Variants in ANO4 observed in about 807,000 individuals in gnomAD.
ANO4 encodes anoctamin-4.
ANO4 carries 69 observed loss-of-function variants against 141.9 expected under a neutral mutation model. The observed-to-expected ratio is 0.49, with a 90% CI of 0.40 to 0.59. The LOEUF (loss-of-function observed/expected upper bound fraction) is 0.59. Among genes scored for constraint, ANO4 ranks in the 20% least tolerant of loss-of-function variants. The probability of loss-of-function intolerance (pLI) is 0.00; values close to 1 mark genes in which losing one functional copy is unlikely to be tolerated. For missense variants in ANO4, 894 were observed against 1,162.2 expected (o/e 0.77, Z 3.36); for synonymous variants, 350 against 394.3 (o/e 0.89, Z 1.33).
Position 101,096,633 on chromosome 12 carries a change from A to G in ANO4, c.1836A>G (p.Ala612=), listed in dbSNP as rs1302014144. Residue 612 remains alanine, a synonymous_variant, in exon 19 of 28, where the codon GCA becomes GCG. Transcript: ENST00000392977. ...VNLNSSTFYI[A]FFLGRFTGHP... ...TGAACAGCTCCACATTTTACATCGC[A>G]TTCTTCCTCGGAAGGTAAGAACCTG... 1.2e-6 allele frequency: 2 copies of G among 1,612,880 alleles called. No homozygotes were observed. The highest frequency in any genetic ancestry group is 1.3e-5 in the African/African-American group (1 of 74,818).
At chr12:100,738,953 G>A (rs777524600) in intron 2 of ANO4, among the ~76,000 whole-genome samples, 114 of 150,100 alleles carry the variant, frequency 7.6e-4, no homozygotes, top group Non-Finnish European at 1.5e-3. Context: ...TTTTACTTAC[G>A]TCTTCTGATC....
At chr12:101,045,831 C>T (rs759040152) in intron 13 of ANO4, among the ~76,000 whole-genome samples, 3 of 152,226 alleles carry the variant, frequency 2.0e-5, no homozygotes, top group Non-Finnish European at 4.4e-5. Flanking sequence ...AAGATGGCTA[C>T]CAGCTGCCTT....
intron 25 of ANO4, among the ~76,000 whole-genome samples, chr12:101,118,964 G>A (rs562712063): frequency 4.0e-5 from 6 of 149,666 alleles, no homozygotes; most frequent in South Asian, 4.2e-4. Context: ...GAGAACATGC[G>A]GTGTTTGGTT....
rs2032208451 is a variant in ANO4, at chr12:100,748,385, A to G, written c.358+8280A>G. 2.0e-5 allele frequency among the ~76,000 whole-genome samples: 3 copies of G among 152,280 alleles called. No individual in the cohort carries two copies. The South Asian group carries it at 6.2e-4, about 32-fold the overall frequency. On this transcript the variant is annotated intron_variant, in intron 3 of 29. Transcript: ENST00000644049. ...CCAGGAGACTCATGTGCTCCCTTGT[A>G]GAGAAGCTGAGAGACACTCCTTGTC...
chr12:100,844,940 G>A (rs11110552), intron 1 of ANO4, among the ~76,000 whole-genome samples: 1 of 152,246 alleles, frequency 6.6e-6, no homozygotes, highest in East Asian at 1.9e-4. Context: ...GGTAGAGAAA[G>A]AGGATGTTGA....
intron 22 of ANO4, among the ~76,000 whole-genome samples, chr12:101,108,270 G>T (rs1300690472): frequency 6.6e-6 from 1 of 152,146 alleles, no homozygotes; most frequent in African/African-American, 2.4e-5. Context: ...CTATTTGTGG[G>T]TAAAGAGCCA....
intron 1 of ANO4, among the ~76,000 whole-genome samples, chr12:100,887,944 T>G (rs2039919798): frequency 6.6e-6 from 1 of 152,178 alleles, no homozygotes; most frequent in Non-Finnish European, 1.5e-5. Flanking sequence ...GGAAAACCCT[T>G]AAACTTTTGT....
intron 8 of ANO4, among the ~76,000 whole-genome samples, chr12:101,018,561 T>A (rs2046399911): frequency 6.6e-6 from 1 of 152,192 alleles, no homozygotes; most frequent in African/African-American, 2.4e-5. Flanking sequence ...CTTGGACTAC[T>A]CTTTCTCGAG....
intron 1 of ANO4, among the ~76,000 whole-genome samples, chr12:100,892,866 CTTTG>C (rs1230605061): frequency 1.3e-5 from 2 of 151,740 alleles, no homozygotes; most frequent in South Asian, 4.2e-4. Flanking sequence ...GCCGTCTGTA[CTTTG>C]TTTGATACCT....
intron 2 of ANO4, among the ~76,000 whole-genome samples, chr12:100,739,102 A>G (rs981447223): frequency 6.8e-6 from 1 of 147,812 alleles, no homozygotes; most frequent in South Asian, 2.1e-4. Context: ...TAATTTGTAT[A>G]TATATAAAAT....
intron 1 of ANO4, among the ~76,000 whole-genome samples, chr12:100,881,331 A>G (rs11110572): frequency 0.052 from 7,974 of 151,996 alleles, 248 homozygotes; most frequent in Middle Eastern, 0.095. Context: ...AAGAAATGGA[A>G]GAAGAAAAAA....
At chr12:100,821,014 A>G (rs780532761) in intron 1 of ANO4, among the ~76,000 whole-genome samples, 5 of 152,034 alleles carry the variant, frequency 3.3e-5, no homozygotes, top group Non-Finnish European at 7.4e-5. Flanking sequence ...CTGTTTGACT[A>G]TGCCATGGCC....
intron 8 of ANO4, among the ~76,000 whole-genome samples, chr12:101,009,918 G>T (rs1175490835): frequency 6.6e-6 from 1 of 151,794 alleles, no homozygotes; most frequent in African/African-American, 2.4e-5. Context: ...ATATATTTTT[G>T]CTCTGGGAGA....
chr12:100,791,748 A>G (rs1038114987), upstream of ANO4, among the ~76,000 whole-genome samples: 2 of 152,154 alleles, frequency 1.3e-5, no homozygotes, highest in South Asian at 2.1e-4. Context: ...TTGTTCCTAC[A>G]TTGTCTTTGC....
chr12:100,987,360 AAAC>A (rs879184976), intron 7 of ANO4, among the ~76,000 whole-genome samples, 176 bp from the exon 8 acceptor site: 1 of 152,182 alleles, frequency 6.6e-6, no homozygotes, highest in South Asian at 2.1e-4. Flanking sequence ...GGTGAAATCA[AAAC>A]AACACTAGAG....
At chr12:100,802,080 TAAATC>T (rs1256784141) in intron 1 of ANO4, among the ~76,000 whole-genome samples, 1 of 152,182 alleles carries the variant, frequency 6.6e-6, no homozygotes, top group Non-Finnish European at 1.5e-5. Context: ...AAGTCTAACT[TAAATC>T]AATCAGTTTA....
At chr12:100,857,175 T>C (rs2038218441) in intron 1 of ANO4, among the ~76,000 whole-genome samples, 1 of 152,160 alleles carries the variant, frequency 6.6e-6, no homozygotes, top group Non-Finnish European at 1.5e-5. Context: ...CCAGAGGCCA[T>C]GCACATTGTC....
intron 3 of ANO4, among the ~76,000 whole-genome samples, chr12:100,922,938 A>T (rs1592725951): frequency 6.6e-6 from 1 of 152,102 alleles, no homozygotes; most frequent in African/African-American, 2.4e-5. Context: ...AGCATTGAGG[A>T]TGGGTGATGC....
chr12:101,086,284 C>T (rs938510600), intron 16 of ANO4, among the ~76,000 whole-genome samples: 3 of 151,908 alleles, frequency 2.0e-5, no homozygotes, highest in Admixed American at 6.6e-5. Flanking sequence ...TTGCAGGCTG[C>T]GTAAGGGTTT....
Sources: allele counts gnomAD v4.1 joint callset (sites outside exome capture counted in the v4.1 genomes callset), GRCh38; gene constraint gnomAD v4.1.1; transcripts MANE v1.5; gene names NCBI Gene and HGNC (gene_info 2026-07-23, HGNC 2026-07-21).